The following FERMT2 variants were observed in gnomAD, a reference collection of about 807,000 sequenced individuals.
The protein encoded by FERMT2 is FERM domain containing kindlin 2.
FERMT2 carries 15 observed loss-of-function variants against 82.7 expected under a neutral mutation model. The ratio of observed to expected loss-of-function variants is 0.18; its 90% CI spans 0.12 to 0.28. FERMT2 has a LOEUF of 0.28. Among genes scored for constraint, FERMT2 ranks in the 10% least tolerant of loss-of-function variants. The pLI, the probability that FERMT2 is intolerant of heterozygous loss-of-function variation, is 1.00. For synonymous variants in FERMT2, 274 were observed against 271.5 expected, an observed-to-expected ratio of 1.01 and a Z score of -0.09; for missense variants, 645 against 809.4, an observed-to-expected ratio of 0.80 and a Z score of 2.46.
At chr14:52,872,663 A>G (rs1885697778) in intron 10 of FERMT2, 136 bp downstream of exon 10, 1 of 777,552 alleles carries the variant, frequency 1.3e-6, no homozygotes, top group East Asian at 2.6e-5. Context: ...AGACATATCT[A>G]AACATTTTTC....
chr14:52,882,032 C>T (rs1176561298), intron 4 of FERMT2, among the ~76,000 whole-genome samples: 36 of 151,790 alleles, frequency 2.4e-4, no homozygotes, highest in African/African-American at 7.7e-4. Context: ...TTTTTTTGTT[C>T]AATTTAAAAG....
intron 2 of FERMT2, among the ~76,000 whole-genome samples, chr14:52,940,877 C>T (rs1243295342): frequency 6.6e-6 from 1 of 152,130 alleles, no homozygotes; most frequent in Non-Finnish European, 1.5e-5. Context: ...AACTCTCATA[C>T]AATACTGACA....
At chr14:52,891,096 G>A (rs978437153) in intron 4 of FERMT2, among the ~76,000 whole-genome samples, 2 of 152,108 alleles carry the variant, frequency 1.3e-5, no homozygotes, top group African/African-American at 2.4e-5. Flanking sequence ...AAATTCCATC[G>A]TCTGTTGTTA....
At chr14:52,860,200 C>G (rs368472153) in intron 13 of FERMT2, 141 bp downstream of exon 13, 1 of 624,776 alleles carries the variant, frequency 1.6e-6, no homozygotes, top group African/African-American at 1.9e-5. Context: ...AAAATACATT[C>G]TAACAGTCTT....
intron 2 of FERMT2, among the ~76,000 whole-genome samples, chr14:52,939,383 A>C (rs547229667): frequency 3.6e-4 from 55 of 151,568 alleles, no homozygotes; most frequent in Admixed American, 3.6e-3. Flanking sequence ...CAAAAAAAAA[A>C]AAAAAAACAA....
intron 3 of FERMT2, among the ~76,000 whole-genome samples, chr14:52,904,418 G>GAGAC (rs1448643169): frequency 2.6e-5 from 4 of 152,202 alleles, no homozygotes; most frequent in Admixed American, 2.6e-4. Flanking sequence ...TCAAGAGGCT[G>GAGAC]AGACAGGAGA....
intron 2 of FERMT2, among the ~76,000 whole-genome samples, chr14:52,939,723 A>G (rs997056171): frequency 6.6e-6 from 1 of 152,222 alleles, no homozygotes; most frequent in African/African-American, 2.4e-5. Flanking sequence ...TCTATGCTCC[A>G]TACCAAGGGC....
At chr14:52,891,924 T>C (rs1886954385) in intron 4 of FERMT2, among the ~76,000 whole-genome samples, 3 of 152,116 alleles carry the variant, frequency 2.0e-5, no homozygotes, top group Non-Finnish European at 1.5e-5. Flanking sequence ...TAGGTTCTGG[T>C]GACAAAAAGG....
chr14:52,932,150 T>C (rs1230851630), intron 2 of FERMT2, among the ~76,000 whole-genome samples: 1 of 152,262 alleles, frequency 6.6e-6, no homozygotes, highest in Admixed American at 6.5e-5. Flanking sequence ...CTAAAGTTCA[T>C]AAAGTTAGCA....
chr14:52,907,885 T>C (rs1888107300), intron 3 of FERMT2, among the ~76,000 whole-genome samples: 1 of 152,168 alleles, frequency 6.6e-6, no homozygotes, highest in Admixed American at 6.5e-5. Context: ...TGAAAACTTT[T>C]GCTCTTAGAA....
intron 2 of FERMT2, chr14:52,948,462 G>A (rs901637085): frequency 2.5e-6 from 1 of 406,972 alleles, no homozygotes; most frequent in African/African-American, 2.1e-5. Flanking sequence ...AAACAGGAAA[G>A]TCAGAGGCAC....
chr14:52,896,765 G>A (rs1440890302), intron 3 of FERMT2, among the ~76,000 whole-genome samples: 1 of 151,474 alleles, frequency 6.6e-6, no homozygotes, highest in East Asian at 1.9e-4. Flanking sequence ...CAAAGTGGGA[G>A]AACTGCTTGA....
At chr14:52,894,894 A>T (rs892504477) in intron 3 of FERMT2, among the ~76,000 whole-genome samples, 28 of 151,536 alleles carry the variant, frequency 1.8e-4, no homozygotes, top group South Asian at 4.1e-4. Flanking sequence ...AATAAAAAAA[A>T]AAAAAAAACC....
intron 4 of FERMT2, among the ~76,000 whole-genome samples, chr14:52,885,922 T>C (rs1886574204): frequency 6.7e-6 from 1 of 149,712 alleles, no homozygotes; most frequent in Non-Finnish European, 1.5e-5. Flanking sequence ...GGCTAACAGA[T>C]ATAAGACCAC....
intron 2 of FERMT2, among the ~76,000 whole-genome samples, chr14:52,938,443 C>A (rs1889948211): frequency 1.3e-5 from 2 of 152,102 alleles, no homozygotes; most frequent in East Asian, 3.8e-4. Flanking sequence ...TACATTAGCC[C>A]CCAAAACAAG....
chr14:52,870,477 G>A (rs58956870), intron 10 of FERMT2, among the ~76,000 whole-genome samples: 3,475 of 152,192 alleles, frequency 0.023, 138 homozygotes, highest in African/African-American at 0.08. Context: ...TCCAACTTCC[G>A]ACCTCAGATG....
intron 10 of FERMT2, among the ~76,000 whole-genome samples, chr14:52,867,954 C>T (rs757139349): frequency 6.6e-6 from 1 of 152,134 alleles, no homozygotes; most frequent in African/African-American, 2.4e-5. Context: ...ATTTGGATTA[C>T]TATCATCTCT....
intron 12 of FERMT2, chr14:52,862,961 G>A (rs1231093978): frequency 1.3e-5 from 2 of 152,188 alleles, no homozygotes; most frequent in Non-Finnish European, 2.9e-5. Context: ...ATACCTTACT[G>A]TGAAATGATA....
At chr14:52,880,722 C>T (rs1886245212) in intron 6 of FERMT2, among the ~76,000 whole-genome samples, 1 of 151,774 alleles carries the variant, frequency 6.6e-6, no homozygotes, top group Admixed American at 6.6e-5. Context: ...TCTATAGTAC[C>T]AAAAGAGTAC....
Sources: gnomAD v4.1 joint callset for allele counts (sites outside exome capture counted in the v4.1 genomes callset) on GRCh38, gnomAD v4.1.1 for gene constraint, MANE v1.5 for transcripts, NCBI Gene and HGNC (gene_info 2026-07-23, HGNC 2026-07-21) for gene names.